PTPRK: variants seen among roughly 807,000 people sequenced by gnomAD.
The protein encoded by PTPRK is protein tyrosine phosphatase receptor type K.
In PTPRK, 75 loss-of-function variants were observed where a neutral mutation model predicts 178.0. That is an observed-to-expected ratio of 0.42 (90% confidence interval 0.35 to 0.51). The LOEUF (loss-of-function observed/expected upper bound fraction) is 0.51. PTPRK is among the 20% of genes least tolerant of loss of function. PTPRK has a pLI of 0.02. For synonymous variants in PTPRK, 637 were observed against 620.6 expected (o/e 1.03, Z -0.39); for missense variants, 1,441 against 1,797.8 (o/e 0.80, Z 3.59).
At chr6:128,032,563 A>G (rs986415644) in intron 13 of PTPRK, among the ~76,000 whole-genome samples, 2 of 152,178 alleles carry the variant, frequency 1.3e-5, no homozygotes, top group African/African-American at 4.8e-5. Flanking sequence ...CAGCCTATAC[A>G]TTTATTGTAA....
At chr6:128,018,618 T>G (rs527315608) in intron 13 of PTPRK, among the ~76,000 whole-genome samples, 1 of 152,102 alleles carries the variant, frequency 6.6e-6, no homozygotes, top group Non-Finnish European at 1.5e-5. Context: ...GGAGATTGAG[T>G]CTACCTTCTA....
chr6:128,238,184 C>A (rs117695083), intron 5 of PTPRK: 13 of 232,796 alleles, frequency 5.6e-5, no homozygotes, highest in Non-Finnish European at 6.3e-5. Context: ...GTAGCAAACG[C>A]CAAAAAAAAA....
At chr6:128,130,679 C>A (rs1794089621) in intron 7 of PTPRK, among the ~76,000 whole-genome samples, 1 of 152,094 alleles carries the variant, frequency 6.6e-6, no homozygotes. Flanking sequence ...CTCTCCAAGG[C>A]ATATTTTGAA....
intron 7 of PTPRK, among the ~76,000 whole-genome samples, chr6:128,135,752 T>G (rs1794923649): frequency 6.6e-6 from 1 of 152,098 alleles, no homozygotes; most frequent in African/African-American, 2.4e-5. Context: ...GTCTATGAGA[T>G]GTGCACTGGG....
chr6:128,235,915 A>G (rs1813169355), intron 5 of PTPRK, among the ~76,000 whole-genome samples: 1 of 152,198 alleles, frequency 6.6e-6, no homozygotes, highest in South Asian at 2.1e-4. Context: ...GAGGGTGAGT[A>G]AAGTACAAAG....
chr6:128,021,906 A>G (rs1773567687), intron 13 of PTPRK, among the ~76,000 whole-genome samples: 1 of 152,224 alleles, frequency 6.6e-6, no homozygotes. Context: ...TTTTATATAT[A>G]TTCTAAGAAT....
chr6:128,083,344 GGCTTCTCCTAAA>G lies in PTPRK; in HGVS notation c.1575+359_1575+370del, dbSNP rs540481649. 1.3e-3 allele frequency among the ~76,000 whole-genome samples: 193 copies of G among 151,944 alleles called. 3 individuals are homozygous for G. Among genetic ancestry groups the G allele is most frequent in the African/African-American group, 4.5e-3 (185 of 41,482 alleles). On this transcript the variant is annotated intron_variant, in intron 9 of 29. Coordinates refer to ENST00000368226, the MANE Select transcript of PTPRK (RefSeq NM_002844.4). Reference sequence around the variant, plus strand: ...TACTCTGAAACAACTGAAATTCAATGGCTTCTCCTAAATCACAGTATGATAGGAGTTTCTTAA... The same window carrying G: ...TACTCTGAAACAACTGAAATTCAATGTCACAGTATGATAGGAGTTTCTTAA...
At chr6:128,318,128 T>C (rs902705846) in intron 3 of PTPRK, among the ~76,000 whole-genome samples, 6 of 151,994 alleles carry the variant, frequency 3.9e-5, no homozygotes, top group Non-Finnish European at 8.8e-5. Flanking sequence ...ATTGGAAGAG[T>C]TCTGAGAGCT....
chr6:128,409,389 T>C, intron 1 of PTPRK: 2 of 433,540 alleles, frequency 4.6e-6, no homozygotes, highest in Non-Finnish European at 9.2e-6. Flanking sequence ...AGACACATCA[T>C]AAGTATTTCT....
At chr6:128,327,983 G>C (rs1353830956) in intron 2 of PTPRK, among the ~76,000 whole-genome samples, 2 of 152,168 alleles carry the variant, frequency 1.3e-5, no homozygotes, top group Non-Finnish European at 2.9e-5. Flanking sequence ...CCCTGCAGCA[G>C]AGTGGCATGA....
chr6:128,159,864 A>T (rs1214407418), intron 7 of PTPRK, among the ~76,000 whole-genome samples: 1 of 151,726 alleles, frequency 6.6e-6, no homozygotes, highest in Non-Finnish European at 1.5e-5. Context: ...AGGAATACAG[A>T]TTTATGGTAA....
intron 7 of PTPRK, among the ~76,000 whole-genome samples, chr6:128,096,151 C>G (rs567606508): frequency 3.5e-4 from 54 of 152,234 alleles, no homozygotes; most frequent in African/African-American, 1.3e-3. Context: ...AGTAACATAT[C>G]ACTGCCCCCA....
intron 11 of PTPRK, 83 bp from the exon 12 acceptor site, chr6:128,067,875 T>C (rs1782100529): frequency 7.7e-7 from 1 of 1,304,040 alleles, no homozygotes; most frequent in Admixed American, 2.5e-5. Flanking sequence ...TTTTAAGGGG[T>C]TGACTATTAA....
intron 5 of PTPRK, among the ~76,000 whole-genome samples, chr6:128,223,791 G>T (rs566802175): frequency 6.6e-6 from 1 of 152,214 alleles, no homozygotes; most frequent in Admixed American, 6.5e-5. Context: ...GATGCACATA[G>T]CCTGTTAGCA....
intron 13 of PTPRK, among the ~76,000 whole-genome samples, chr6:128,023,019 C>T (rs371086652): frequency 3.3e-5 from 5 of 152,244 alleles, no homozygotes; most frequent in East Asian, 1.9e-4. Context: ...CCATCCTCAC[C>T]GCATTTTCTG....
chr6:128,089,833 T>A lies in PTPRK; in HGVS notation c.1322A>T (p.Asp441Val). The stretch of plus-strand genomic sequence containing the variant: ...GGCTTTGGGGTCCATGTCCAAACAG[T>A]CTGCCTTGCTCTCGTTGTGACCACG... ...YFRGHNESKA[D>V]CLDMDPKAPQ... Residue 441 changes from aspartate to valine, a missense_variant, in exon 8 of 30, where the codon GAC (aspartate) becomes GTC (valine). By Grantham distance (152) the Asp-to-Val change is radical (BLOSUM62 -3). This residue lies in a region of PTPRK where 945 missense variants were observed against 1,080.6 expected (regional missense o/e 0.87). Transcript: ENST00000368226. 1 of 1,614,132 alleles carries A rather than the reference T, an allele frequency of 6.2e-7. No homozygotes were observed. Among genetic ancestry groups the A allele is most frequent in the Non-Finnish European group, 8.5e-7 (1 of 1,180,002 alleles).
chr6:128,164,057 C>T lies in PTPRK; in HGVS notation c.1162+20375G>A, dbSNP rs143374606. 1.6e-3 allele frequency among the ~76,000 whole-genome samples: 236 copies of T among 151,378 alleles called. 2 individuals carry two copies. Among genetic ancestry groups the T allele is most frequent in the African/African-American group, 5.5e-3 (226 of 41,448 alleles). On this transcript the variant is annotated intron_variant, in intron 7 of 29. Transcript: ENST00000368226. ...TCTCCATTATCTTCCTTTGACACAC[C>T]CAAATCCCTCACTCCTTCTCATTTT... is the stretch of plus-strand genomic sequence containing the variant.
intron 1 of PTPRK, among the ~76,000 whole-genome samples, chr6:128,464,639 A>ATATG: frequency 2.2e-4 from 1 of 4,492 alleles, no homozygotes; most frequent in African/African-American, 1.5e-3. Flanking sequence ...ATATATACAC[A>ATATG]TATATATATA....
intron 6 of PTPRK, 113 bp downstream of exon 6, chr6:128,218,809 G>A: frequency 1.1e-6 from 1 of 951,036 alleles, no homozygotes; most frequent in South Asian, 1.9e-5. Flanking sequence ...ATTTTTTATA[G>A]TGACTTGACA....
Sources: allele counts gnomAD v4.1 joint callset (sites outside exome capture counted in the v4.1 genomes callset), GRCh38; gene constraint gnomAD v4.1.1; regional missense constraint gnomAD v4.1.1; transcripts MANE v1.5; gene names NCBI Gene and HGNC (gene_info 2026-07-23, HGNC 2026-07-21).